The following UFM1 variants were observed in gnomAD, a reference collection of about 807,000 sequenced individuals.
UFM1 encodes ubiquitin fold modifier 1, also known as ubiquitin-fold modifier 1.
UFM1 carries 9 observed loss-of-function variants against 15.4 expected under a neutral mutation model. The observed-to-expected ratio is 0.59, with a 90% CI of 0.35 to 1.02. The LOEUF (loss-of-function observed/expected upper bound fraction) is 1.02. UFM1 is among the 50% of genes least tolerant of loss of function. The pLI, the probability that UFM1 is intolerant of heterozygous loss-of-function variation, is 0.02. For missense variants in UFM1, 98 were observed against 104.7 expected, an observed-to-expected ratio of 0.94 and a Z score of 0.28; for synonymous variants, 27 against 36.3, an observed-to-expected ratio of 0.74 and a Z score of 0.92.
At chr13:38,352,302 T>C (rs1878897218) in intron 2 of UFM1, among the ~76,000 whole-genome samples, 1 of 152,030 alleles carries the variant, frequency 6.6e-6, no homozygotes, top group Non-Finnish European at 1.5e-5. Flanking sequence ...TGTCACTGTG[T>C]TAGCCAGGAT....
At chr13:38,358,408 G>GTT (rs11381230) in intron 4 of UFM1, among the ~76,000 whole-genome samples, 2,711 of 148,428 alleles carry the variant, frequency 0.018, 89 homozygotes, top group African/African-American at 0.059. Context: ...TATTTAGCAA[G>GTT]TTTTTTTTTT....
At chr13:38,350,972 A>C (rs1194389848) in intron 2 of UFM1, among the ~76,000 whole-genome samples, 1 of 152,176 alleles carries the variant, frequency 6.6e-6, no homozygotes, top group East Asian at 1.9e-4. Flanking sequence ...TCCATCTCTG[A>C]GATGTCGTTT....
rs370347538 is a variant in UFM1, at chr13:38,350,270, C to T, written c.59+215C>T. On this transcript the variant is annotated intron_variant, in intron 2 of 5. Coordinates refer to ENST00000239878, the MANE Select transcript of UFM1 (RefSeq NM_016617.4). ...AAGTGTCAGCTTGGCAGCTTGGCCC[C>T]GTCACGAGGGTGTGGGTGTGTTTCT... 4.9e-4 allele frequency: 758 copies of T among 1,557,478 alleles called. 3 individuals carry two copies. The highest frequency in any genetic ancestry group is 9.2e-4 in the Middle Eastern group (5 of 5,442).
intron 2 of UFM1, among the ~76,000 whole-genome samples, chr13:38,350,890 A>C (rs1263722811): frequency 6.6e-6 from 1 of 152,176 alleles, no homozygotes; most frequent in Admixed American, 6.5e-5. Flanking sequence ...TTTCATCTCC[A>C]AAATATCCCT....
At chr13:38,356,580 A>G (rs560819129) in intron 3 of UFM1, among the ~76,000 whole-genome samples, 15 of 151,502 alleles carry the variant, frequency 9.9e-5, no homozygotes, top group African/African-American at 3.4e-4. Context: ...TTAAAAGTTG[A>G]TTCTTCAATT....
chr13:38,359,618 TA>T (rs1307613742), intron 5 of UFM1: 2 of 234,832 alleles, frequency 8.5e-6, no homozygotes. Flanking sequence ...GATTGCTTTC[TA>T]ATTGGAGTAT....
chr13:38,356,825 T>A (rs1003886412), intron 3 of UFM1, among the ~76,000 whole-genome samples: 2 of 151,822 alleles, frequency 1.3e-5, no homozygotes, highest in Admixed American at 6.6e-5. Context: ...AAATGTGTTT[T>A]CCAAACTTGA....
chr13:38,350,365 G>A (rs549597630), intron 2 of UFM1: 398 of 932,580 alleles, frequency 4.3e-4, no homozygotes, highest in Non-Finnish European at 5.8e-4. Flanking sequence ...ACCAGGTTCT[G>A]GTAATTTGTT....
chr13:38,352,695 T>TG (rs1878916679), intron 2 of UFM1, among the ~76,000 whole-genome samples: 2 of 152,194 alleles, frequency 1.3e-5, no homozygotes, highest in South Asian at 4.1e-4. Context: ...AGTTAGAACT[T>TG]GCATTAAAAG....
chr13:38,359,360 G>A, intron 5 of UFM1, 27 bp downstream of exon 5: 1 of 1,610,094 alleles, frequency 6.2e-7, no homozygotes, highest in Non-Finnish European at 8.5e-7. Flanking sequence ...TCATAGAGGA[G>A]TGGGTGGGGT....
At chr13:38,358,341 C>G (rs1378063650) in intron 4 of UFM1, among the ~76,000 whole-genome samples, 1 of 151,180 alleles carries the variant, frequency 6.6e-6, no homozygotes, top group Admixed American at 6.6e-5. Context: ...TAGTATAGCA[C>G]TTTATAATAT....
intron 3 of UFM1, among the ~76,000 whole-genome samples, chr13:38,355,710 A>C (rs1168747319): frequency 6.6e-6 from 1 of 151,936 alleles, no homozygotes; most frequent in Non-Finnish European, 1.5e-5. Flanking sequence ...GAAAACCATA[A>C]GAGAAAGTAT....
chr13:38,359,383 T>C, intron 5 of UFM1, 50 bp downstream of exon 5: 1 of 1,580,674 alleles, frequency 6.3e-7, no homozygotes, highest in Non-Finnish European at 8.7e-7. Flanking sequence ...TATATGTCAA[T>C]TGACACTGAA....
At chr13:38,356,239 A>C (rs1879088359) in intron 3 of UFM1, among the ~76,000 whole-genome samples, 1 of 151,908 alleles carries the variant, frequency 6.6e-6, no homozygotes, top group African/African-American at 2.4e-5. Context: ...GTGACTAAGA[A>C]AATACATAGA....
rs1424391966 is a variant in UFM1, at chr13:38,358,087, A to G, written c.118-6A>G. 3 of 1,317,820 alleles carry G rather than the reference A, an allele frequency of 2.3e-6. No homozygotes were observed. The highest frequency in any genetic ancestry group is 1.8e-5 in the South Asian group (1 of 56,046). 81.6% of individuals were successfully genotyped at this position (1,317,820 alleles called of 1,614,324 possible). A position where few individuals can be genotyped will look rare whatever the true frequency, so the allele number is the denominator to read the frequency against. On this transcript the variant is annotated splice_polypyrimidine_tract_variant and splice_region_variant and intron_variant, in intron 3 of 5. Transcript: ENST00000239878. Reference sequence around the variant, plus strand: ...TATATATATATTTTTTTTTCCTTCTATTTAGTTTAAAGTTCCTGCTGCAAC... The same window carrying G: ...TATATATATATTTTTTTTTCCTTCTGTTTAGTTTAAAGTTCCTGCTGCAAC...
chr13:38,356,458 A>G (rs900637773), intron 3 of UFM1, among the ~76,000 whole-genome samples: 1 of 151,854 alleles, frequency 6.6e-6, no homozygotes, highest in African/African-American at 2.4e-5. Flanking sequence ...AAATTTTAAA[A>G]TCTTTAAAAG....
chr13:38,356,948 G>A (rs558559603), intron 3 of UFM1, among the ~76,000 whole-genome samples: 5 of 151,806 alleles, frequency 3.3e-5, no homozygotes, highest in African/African-American at 1.2e-4. Flanking sequence ...GCAACTGCTG[G>A]TCTCTTTAAG....
chr13:38,356,666 C>A, intron 3 of UFM1, among the ~76,000 whole-genome samples: 1 of 144,082 alleles, frequency 6.9e-6, no homozygotes. Flanking sequence ...GTAGTGTTTC[C>A]CAGACAACTA....
intron 2 of UFM1, chr13:38,350,308 C>G: frequency 1.4e-6 from 2 of 1,420,914 alleles, no homozygotes; most frequent in Non-Finnish European, 9.6e-7. Flanking sequence ...TTAGTGACCT[C>G]CCCTCGGAAT....
Sources: gnomAD v4.1 joint callset for allele counts (sites outside exome capture counted in the v4.1 genomes callset) on GRCh38, gnomAD v4.1.1 for gene constraint, MANE v1.5 for transcripts, NCBI Gene and HGNC (gene_info 2026-07-23, HGNC 2026-07-21) for gene names.